ADD2: variants seen among roughly 807,000 people sequenced by gnomAD.
The protein encoded by ADD2 is adducin 2.
A neutral mutation model predicts 83.0 loss-of-function variants in ADD2; 23 were observed. The ratio of observed to expected loss-of-function variants is 0.28; its 90% CI spans 0.20 to 0.39. The LOEUF (loss-of-function observed/expected upper bound fraction) is 0.39. ADD2 is among the 10% of genes least tolerant of loss of function. ADD2 has a pLI of 1.00. For synonymous variants in ADD2, 375 were observed against 375.4 expected, an observed-to-expected ratio of 1.00 and a Z score of 0.01; for missense variants, 758 against 944.9, an observed-to-expected ratio of 0.80 and a Z score of 2.59.
intron 4 of ADD2, among the ~76,000 whole-genome samples, chr2:70,703,778 T>C (rs1553373850): frequency 1.3e-5 from 2 of 152,246 alleles, no homozygotes; most frequent in African/African-American, 4.8e-5. Context: ...GGATATATGT[T>C]CACCAAAATA....
intron 6 of ADD2, 154 bp downstream of exon 6, chr2:70,695,567 A>G (rs1671265378): frequency 1.5e-6 from 1 of 669,200 alleles, no homozygotes; most frequent in Non-Finnish European, 2.6e-6. Context: ...CATGCTCTGG[A>G]CACTTAGTTT....
At chr2:70,703,321 C>A (rs55841912) in intron 4 of ADD2, among the ~76,000 whole-genome samples, 1 of 151,990 alleles carries the variant, frequency 6.6e-6, no homozygotes, top group Non-Finnish European at 1.5e-5. Context: ...CAAACAAATG[C>A]ACATTAAAAC....
chr2:70,690,684 CCT>C (rs1278316444), intron 8 of ADD2, 100 bp downstream of exon 8: 11 of 1,353,126 alleles, frequency 8.1e-6, no homozygotes, highest in East Asian at 7.4e-5. Flanking sequence ...TTTTTTCCCC[CCT>C]CTCTCCCTCC....
intron 1 of ADD2, among the ~76,000 whole-genome samples, chr2:70,723,153 A>G (rs1672814543): frequency 6.6e-6 from 1 of 152,204 alleles, no homozygotes; most frequent in Admixed American, 6.5e-5. Context: ...GGGCCTAGGA[A>G]TGAATCCCAG....
intron 15 of ADD2, among the ~76,000 whole-genome samples, chr2:70,666,952 C>G (rs971571505): frequency 3.4e-4 from 51 of 152,134 alleles, no homozygotes; most frequent in Admixed American, 3.1e-3. Flanking sequence ...GAGTCAGAGA[C>G]CACTGGAGGG....
intron 6 of ADD2, among the ~76,000 whole-genome samples, chr2:70,693,663 A>C (rs1173046449): frequency 6.6e-6 from 1 of 152,188 alleles, no homozygotes; most frequent in Non-Finnish European, 1.5e-5. Flanking sequence ...AAGCTGCAGC[A>C]ACTCTCCCGC....
At chr2:70,728,117 T>G (rs1474474807) in intron 1 of ADD2, among the ~76,000 whole-genome samples, 1 of 152,156 alleles carries the variant, frequency 6.6e-6, no homozygotes, top group Non-Finnish European at 1.5e-5. Context: ...ATTCTCCCCA[T>G]GTCATATTCA....
At chr2:70,715,416 C>A (rs1451943604) in intron 1 of ADD2, among the ~76,000 whole-genome samples, 1 of 152,172 alleles carries the variant, frequency 6.6e-6, no homozygotes, top group African/African-American at 2.4e-5. Flanking sequence ...TTCCAGCCCC[C>A]ACATCCCTCA....
Position 70,676,852 on chromosome 2 carries a change from C to T in ADD2, c.1537G>A (p.Ala513Thr), listed in dbSNP as rs1553368439. 7.4e-6 allele frequency: 12 copies of T among 1,614,112 alleles called. No individual in the cohort carries two copies. The highest frequency in any genetic ancestry group is 1.0e-5 in the Non-Finnish European group (12 of 1,179,972). Residue 513 changes from alanine (A) to threonine (T), a missense_variant, in exon 13 of 16, where the codon GCG becomes ACG. This residue lies in a region of ADD2 where 394 missense variants were observed against 509.3 expected (regional missense o/e 0.77). Coordinates refer to ENST00000264436, the MANE Select transcript of ADD2 (RefSeq NM_001617.4). The surrounding 1 kb of genome is among the most constrained non-coding windows in gnomAD (Gnocchi z 4.8). ...REQNRQDVKS[A>T]GPQSQLLASV... ...GCCAGGAGCTGGGACTGAGGCCCCG[C>T]TGACTTCACATCTTGTCGGTTTTGT...
intron 9 of ADD2, chr2:70,687,013 G>T (rs1351576799): frequency 6.6e-6 from 1 of 152,358 alleles, no homozygotes. Flanking sequence ...AGGGCGGACG[G>T]GACACCAAGG....
At chr2:70,736,258 G>A (rs1175126367) in intron 1 of ADD2, among the ~76,000 whole-genome samples, 5 of 152,200 alleles carry the variant, frequency 3.3e-5, no homozygotes, top group African/African-American at 1.2e-4. Context: ...GGTACTAGTT[G>A]GATTGGCACT....
At chr2:70,665,518 C>T (rs1675750980) in intron 15 of ADD2, among the ~76,000 whole-genome samples, 2 of 152,210 alleles carry the variant, frequency 1.3e-5, no homozygotes, top group South Asian at 2.1e-4. Flanking sequence ...CCAGGCTGGA[C>T]ACAACCATCT....
chr2:70,742,206 G>T (rs192917292), intron 1 of ADD2, among the ~76,000 whole-genome samples: 4 of 152,250 alleles, frequency 2.6e-5, no homozygotes, highest in Admixed American at 1.3e-4. Flanking sequence ...GCAGATTTAA[G>T]AACTACCCAA....
rs782574347 is a variant in ADD2 at position 70,663,412 on chromosome 2, A to G, written c.*13T>C. Reference sequence around the variant, plus strand: ...GAGAGAGGAGGCAGGAGGGAGCCCAAGGGTGTCATGAATCAGGACTCCACT... The same window carrying G: ...GAGAGAGGAGGCAGGAGGGAGCCCAGGGGTGTCATGAATCAGGACTCCACT... On this transcript the variant is annotated 3_prime_UTR_variant, in exon 16 of 16. Transcript: ENST00000264436. 5 of 1,606,864 alleles carry G rather than the reference A, an allele frequency of 3.1e-6. No homozygotes were observed. The highest frequency in any genetic ancestry group is 4.3e-6 in the Non-Finnish European group (5 of 1,176,162).
chr2:70,767,796 G>A, intron 1 of ADD2, 90 bp downstream of exon 1: 3 of 1,511,368 alleles, frequency 2.0e-6, no homozygotes, highest in Non-Finnish European at 1.8e-6. Flanking sequence ...GGGCCAAGCG[G>A]CTCCCGCCCG....
In ADD2 at chr2:70,660,021, C is replaced by G. The variant is rs1553364758; in HGVS notation, c.*3404G>C. ...ATCTGAGCTCTTGAATACACATTTT[C>G]TCCAGTCAGATATTGGTCAAAGTTT... On this transcript the variant is annotated 3_prime_UTR_variant, in exon 16 of 16. Transcript: ENST00000264436. 6.6e-6 allele frequency: 1 copy of G among 152,224 alleles called. No homozygotes were observed. Among genetic ancestry groups the G allele is most frequent in the Non-Finnish European group, 1.5e-5 (1 of 68,036 alleles). The allele number at this position is 152,224 out of a possible 1,614,324, so 9.4% of individuals were successfully genotyped here. A position where few individuals can be genotyped will look rare whatever the true frequency, so the allele number is the denominator to read the frequency against.
At chr2:70,760,430 G>A (rs1168920578) in intron 1 of ADD2, among the ~76,000 whole-genome samples, 2 of 152,142 alleles carry the variant, frequency 1.3e-5, no homozygotes, top group South Asian at 2.1e-4. Flanking sequence ...GAATAAATTT[G>A]ATATATATTT....
intron 8 of ADD2, among the ~76,000 whole-genome samples, 185 bp from the exon 9 acceptor site, chr2:70,688,307 T>C (rs1423607843): frequency 6.6e-6 from 1 of 152,230 alleles, no homozygotes; most frequent in Non-Finnish European, 1.5e-5. Flanking sequence ...TCAAAGCATC[T>C]ACCCTAAGAA....
intron 15 of ADD2, among the ~76,000 whole-genome samples, chr2:70,668,435 C>T (rs1180513816): frequency 6.6e-6 from 1 of 152,228 alleles, no homozygotes; most frequent in East Asian, 1.9e-4. Flanking sequence ...AGCTCGCCTT[C>T]CTGTAAACCC....
Sources: allele counts gnomAD v4.1 joint callset (sites outside exome capture counted in the v4.1 genomes callset), GRCh38; gene constraint gnomAD v4.1.1; regional missense constraint gnomAD v4.1.1; non-coding constraint Gnocchi (gnomAD v3.1); transcripts MANE v1.5; gene names NCBI Gene and HGNC (gene_info 2026-07-23, HGNC 2026-07-21).